DNAH5: variants seen among roughly 807,000 people sequenced by gnomAD.
DNAH5 encodes the protein axonemal beta dynein heavy chain 5.
Under a neutral mutation model 518.2 loss-of-function variants are expected in DNAH5, and 372 were observed. The ratio of observed to expected loss-of-function variants is 0.72; its 90% CI spans 0.66 to 0.78. DNAH5 has a LOEUF of 0.78. Ranked by LOEUF, DNAH5 falls within the 30% of genes least tolerant of loss-of-function variation. The pLI, the probability that DNAH5 is intolerant of heterozygous loss-of-function variation, is 0.00. For missense variants in DNAH5, 5,523 were observed against 5,687.0 expected (o/e 0.97, Z 0.93); for synonymous variants, 2,039 against 2,025.9 (o/e 1.01, Z -0.17).
chr5:13,799,760 T>G (rs1407397259), intron 47 of DNAH5, among the ~76,000 whole-genome samples: 1 of 152,174 alleles, frequency 6.6e-6, no homozygotes, highest in Admixed American at 6.5e-5. Context: ...TTGGGAATAT[T>G]TGCATATACA....
rs1783084151 is a variant in DNAH5 at position 13,986,834 on chromosome 5, G to A, written c.12+24814C>T. 2.0e-5 allele frequency among the ~76,000 whole-genome samples: 3 copies of A among 152,272 alleles called. No homozygotes were observed. The South Asian group carries it at 6.2e-4, about 32-fold the overall frequency. On this transcript the variant is annotated intron_variant, in intron 1 of 78. Coordinates refer to the DNAH5 transcript ENST00000681290. ...AGAAAACAAAGTAAGATCCATAATCGATATTTACTTCGTTCCTCTATAGAT... is the reference window on the plus strand; with the variant it reads ...AGAAAACAAAGTAAGATCCATAATCAATATTTACTTCGTTCCTCTATAGAT...
At chr5:13,788,031 T>C (rs559283355) in intron 51 of DNAH5, among the ~76,000 whole-genome samples, 2 of 152,314 alleles carry the variant, frequency 1.3e-5, no homozygotes, top group African/African-American at 4.8e-5. Context: ...GCCTAGTTAC[T>C]TCTGAGGGGA....
chr5:13,895,494 G>A (rs1018497395), intron 15 of DNAH5, among the ~76,000 whole-genome samples: 4 of 152,148 alleles, frequency 2.6e-5, no homozygotes, highest in Admixed American at 2.0e-4. Context: ...ACACTGATAC[G>A]ACATGCGTGC....
At chr5:13,845,830 A>T (rs1580548317) in intron 31 of DNAH5, among the ~76,000 whole-genome samples, 69 of 96,490 alleles carry the variant, frequency 7.2e-4, no homozygotes, top group Non-Finnish European at 7.4e-4. Context: ...GCCTTTTTTG[A>T]CCTTTTTTTT....
intron 21 of DNAH5, among the ~76,000 whole-genome samples, chr5:13,881,194 A>G (rs1260766606): frequency 6.6e-6 from 1 of 151,998 alleles, no homozygotes; most frequent in Non-Finnish European, 1.5e-5. Flanking sequence ...CTAGAACACA[A>G]TAATAGTAGG....
chr5:13,862,841 C>CAT (rs200011073), intron 28 of DNAH5, 94 bp from the exon 29 acceptor site: 4 of 315,494 alleles, frequency 1.3e-5, no homozygotes, highest in East Asian at 4.9e-5. Flanking sequence ...CTATTTGCTT[C>CAT]ATATATATAT....
chr5:13,791,071 TA>T (rs1387719898), intron 50 of DNAH5, among the ~76,000 whole-genome samples: 1 of 151,424 alleles, frequency 6.6e-6, no homozygotes, highest in Non-Finnish European at 1.5e-5. Flanking sequence ...AAACCTAAAA[TA>T]AAAGTTAAAA....
At chr5:13,754,483 C>G in intron 61 of DNAH5, 145 bp from the exon 62 acceptor site, 1 of 940,082 alleles carries the variant, frequency 1.1e-6, no homozygotes, top group East Asian at 2.6e-5. Context: ...GATTCTATTT[C>G]CATGTGTCTG....
At chr5:13,995,264 G>A (rs538748894) in intron 1 of DNAH5, among the ~76,000 whole-genome samples, 26 of 152,210 alleles carry the variant, frequency 1.7e-4, no homozygotes, top group African/African-American at 4.3e-4. Flanking sequence ...ATACAGTAGC[G>A]GGCAATTACA....
At chr5:13,888,879 A>T (rs893132020) in intron 17 of DNAH5, among the ~76,000 whole-genome samples, 1 of 152,216 alleles carries the variant, frequency 6.6e-6, no homozygotes, top group Non-Finnish European at 1.5e-5. Context: ...ACAAATTAGC[A>T]AAACTTTGGA....
intron 17 of DNAH5, among the ~76,000 whole-genome samples, chr5:13,889,766 G>A (rs1243456070): frequency 6.6e-6 from 1 of 152,096 alleles, no homozygotes; most frequent in Non-Finnish European, 1.5e-5. Context: ...AGCCTCACAG[G>A]AGGGAGACAG....
chr5:13,977,872 C>T (rs1782381015), intron 1 of DNAH5, among the ~76,000 whole-genome samples: 1 of 152,034 alleles, frequency 6.6e-6, no homozygotes, highest in African/African-American at 2.4e-5. Context: ...TTATTTTGGC[C>T]ACTGGGAAAG....
chr5:14,002,057 C>T (rs1389995792), intron 1 of DNAH5, among the ~76,000 whole-genome samples: 1 of 151,978 alleles, frequency 6.6e-6, no homozygotes, highest in Non-Finnish European at 1.5e-5. Context: ...CACCACCATA[C>T]CCAGCTAATT....
At chr5:13,839,214 A>G (rs1467450684) in intron 35 of DNAH5, 142 bp downstream of exon 35, 1 of 719,444 alleles carries the variant, frequency 1.4e-6, no homozygotes, top group Admixed American at 2.7e-5. Flanking sequence ...GTGAAAAGAA[A>G]GCTGATAATA....
At chr5:13,971,733 G>T (rs1274396239) in intron 1 of DNAH5, among the ~76,000 whole-genome samples, 1 of 152,164 alleles carries the variant, frequency 6.6e-6, no homozygotes, top group Non-Finnish European at 1.5e-5. Context: ...TGCTTAATGT[G>T]CTGGTTTTGT....
intron 71 of DNAH5, 50 bp from the exon 72 acceptor site, chr5:13,719,151 T>C: frequency 1.5e-6 from 2 of 1,350,120 alleles, no homozygotes; most frequent in Non-Finnish European, 2.1e-6. Flanking sequence ...TTCACCCAAA[T>C]TCTAAATTAT....
chr5:13,722,934 T>A (rs1405700358), intron 70 of DNAH5, among the ~76,000 whole-genome samples: 1 of 152,164 alleles, frequency 6.6e-6, no homozygotes, highest in African/African-American at 2.4e-5. Context: ...GAACAAGAAA[T>A]GGTGGTCAGG....
At chr5:13,758,419 C>T (rs1305214173) in intron 61 of DNAH5, among the ~76,000 whole-genome samples, 3 of 152,232 alleles carry the variant, frequency 2.0e-5, no homozygotes, top group African/African-American at 7.2e-5. Flanking sequence ...CACTTAACCC[C>T]AGGAATTCAA....
Position 13,999,452 on chromosome 5 carries a change from C to A in DNAH5, c.12+12196G>T, listed in dbSNP as rs193288460. Among the ~76,000 whole-genome samples the A allele has an allele frequency of 1.2e-4, 19 of 152,328 alleles. No homozygotes were observed. In the East Asian group the frequency reaches 3.1e-3, roughly 25 times the overall value. On this transcript the variant is annotated intron_variant, in intron 1 of 78. Coordinates refer to the DNAH5 transcript ENST00000681290. ...GATACCTCATCTAAGTGGAATCATG[C>A]GTTAGTTGTCTGTGACTGGCTTATT...
Sources: gnomAD v4.1 joint callset for allele counts (sites outside exome capture counted in the v4.1 genomes callset) on GRCh38, gnomAD v4.1.1 for gene constraint, MANE v1.5 for transcripts, NCBI Gene and HGNC (gene_info 2026-07-23, HGNC 2026-07-21) for gene names.